Variants in CBFA2T3 observed in about 807,000 individuals in gnomAD.
CBFA2T3 encodes transcriptional corepressor CBFA2T3.
In CBFA2T3, 31 loss-of-function variants were observed where a neutral mutation model predicts 58.6. That is an observed-to-expected ratio of 0.53 (90% CI 0.40 to 0.71). The LOEUF is 0.71. Ranked by LOEUF, CBFA2T3 falls within the 30% of genes least tolerant of loss-of-function variation. The probability of loss-of-function intolerance (pLI) is 0.00; values close to 1 mark genes in which losing one functional copy is unlikely to be tolerated. For missense variants in CBFA2T3, 1,076 were observed against 963.1 expected (o/e 1.12, Z -1.55); for synonymous variants, 531 against 421.9 (o/e 1.26, Z -3.17).
chr16:88,878,933 C>A (rs186343706), intron 11 of CBFA2T3, among the ~76,000 whole-genome samples: 217 of 152,302 alleles, frequency 1.4e-3, no homozygotes, highest in Middle Eastern at 0.014. Flanking sequence ...TCAGTCTGGG[C>A]AACAAGAGTG....
At chr16:88,939,340 C>G (rs1971624365) in intron 1 of CBFA2T3, 1 of 152,332 alleles carries the variant, frequency 6.6e-6, no homozygotes, top group South Asian at 2.1e-4. Context: ...ATGTGAACTT[C>G]CCTTCTCCCC....
intron 1 of CBFA2T3, among the ~76,000 whole-genome samples, chr16:88,910,976 G>A (rs1323101276): frequency 2.6e-5 from 4 of 152,222 alleles, no homozygotes; most frequent in South Asian, 4.1e-4. Flanking sequence ...CCCTGCGGCC[G>A]CCTCCACATC....
rs191174104 is a variant in CBFA2T3 at position 88,944,115 on chromosome 16, A to T, written c.151+32542T>A. ...CACTTTGGGAGGCCGAGGCCGGCGGATCATGAGGTCAGGAGATCAAGACCG... is the reference window on the plus strand; with the variant it reads ...CACTTTGGGAGGCCGAGGCCGGCGGTTCATGAGGTCAGGAGATCAAGACCG... On this transcript the variant is annotated intron_variant, in intron 1 of 11. Transcript: ENST00000268679. Among the ~76,000 whole-genome samples the T allele has an allele frequency of 8.1e-4, 123 of 152,206 alleles. 3 individuals are homozygous for T. The East Asian group carries it at 0.023, about 28-fold the overall frequency.
At chr16:88,933,827 TTGGTGAAA>T (rs1971392966) in intron 1 of CBFA2T3, among the ~76,000 whole-genome samples, 1 of 152,134 alleles carries the variant, frequency 6.6e-6, no homozygotes, top group Non-Finnish European at 1.5e-5. Flanking sequence ...CGTATGTGAC[TTGGTGAAA>T]TCCCCGTCCC....
intron 3 of CBFA2T3, among the ~76,000 whole-genome samples, chr16:88,892,833 G>A (rs923048902): frequency 1.2e-4 from 19 of 152,334 alleles, no homozygotes; most frequent in African/African-American, 4.3e-4. Context: ...GGTGGTGGCC[G>A]TGGAATGACT....
intron 1 of CBFA2T3, among the ~76,000 whole-genome samples, chr16:88,932,479 T>G (rs1971344988): frequency 6.8e-6 from 1 of 147,372 alleles, no homozygotes; most frequent in African/African-American, 2.5e-5. Flanking sequence ...ACCAAAAAAA[T>G]TAAAAATTAA....
intron 8 of CBFA2T3, 30 bp downstream of exon 8, chr16:88,882,644 CTG>C (rs1969171361): frequency 7.0e-7 from 1 of 1,430,924 alleles, no homozygotes. Flanking sequence ...CTGGGCATGG[CTG>C]TGTGGGCGTG....
intron 1 of CBFA2T3, among the ~76,000 whole-genome samples, chr16:88,964,712 T>C (rs1214410729): frequency 1.3e-5 from 2 of 152,144 alleles, no homozygotes; most frequent in African/African-American, 4.8e-5. Context: ...CTTACCTTTT[T>C]ATCTTCCCAT....
Position 88,875,591 on chromosome 16 carries a change from G to A in CBFA2T3, c.*1385C>T, listed in dbSNP as rs1307656596. ...GATGGGGCCGAGAGGTTGGAGTTGG[G>A]GCGATGGGGCTGAGAGAGGTCGGAG... is the stretch of plus-strand genomic sequence containing the variant. On this transcript the variant is annotated 3_prime_UTR_variant, in exon 12 of 12. Transcript: ENST00000268679. 1.3e-5 allele frequency: 3 copies of A among 233,778 alleles called. No homozygotes were observed. Among genetic ancestry groups the A allele is most frequent in the Non-Finnish European group, 2.5e-5 (3 of 118,276 alleles). 14.5% of individuals were successfully genotyped at this position (233,778 alleles called of 1,614,324 possible). A position where few individuals can be genotyped will look rare whatever the true frequency, so the allele number is the denominator to read the frequency against.
intron 1 of CBFA2T3, among the ~76,000 whole-genome samples, chr16:88,975,175 TCCACATCTTTAGCCATGTCAGAGGTCCAC>T (rs1972804267): frequency 7.2e-5 from 7 of 97,160 alleles, no homozygotes; most frequent in South Asian, 2.8e-4. Flanking sequence ...CCCTCTCTGC[TCCACATCTTTAGCCATGTCAGAGGTCCAC>T]CCTGACCCTC....
At chr16:88,973,399 G>A (rs192611086) in intron 1 of CBFA2T3, among the ~76,000 whole-genome samples, 2 of 152,290 alleles carry the variant, frequency 1.3e-5, no homozygotes, top group African/African-American at 2.4e-5. Context: ...GGAGGAGCAC[G>A]GCCATCTGAC....
At chr16:88,934,150 C>G (rs1338539254) in intron 1 of CBFA2T3, among the ~76,000 whole-genome samples, 1 of 134,992 alleles carries the variant, frequency 7.4e-6, no homozygotes, top group Non-Finnish European at 1.5e-5. Context: ...AGAGGCCGCC[C>G]CTCGGCACAC....
intron 1 of CBFA2T3, among the ~76,000 whole-genome samples, chr16:88,971,155 G>A (rs771900796): frequency 1.3e-5 from 2 of 152,096 alleles, no homozygotes; most frequent in Admixed American, 6.5e-5. Context: ...TGTCATCCAG[G>A]CTGGAGTGCA....
intron 5 of CBFA2T3, among the ~76,000 whole-genome samples, chr16:88,890,255 G>A (rs2142576501): frequency 2.0e-5 from 3 of 152,302 alleles, no homozygotes; most frequent in African/African-American, 7.2e-5. Context: ...CTCCTCAACA[G>A]CCTGAGGATG....
At chr16:88,956,799 C>A (rs994894682) in intron 1 of CBFA2T3, among the ~76,000 whole-genome samples, 20 of 152,240 alleles carry the variant, frequency 1.3e-4, no homozygotes, top group African/African-American at 4.3e-4. Flanking sequence ...AACTGGACCG[C>A]ATGGCCCTTG....
In CBFA2T3 at chr16:88,876,505, C is replaced by A. The variant is rs1266637984; in HGVS notation, c.*471G>T. 5 of 232,238 alleles carry A rather than the reference C, an allele frequency of 2.2e-5. No individual in the cohort carries two copies. The highest frequency in any genetic ancestry group is 1.2e-4 in the East Asian group (2 of 16,246). 14.4% of individuals were successfully genotyped at this position (232,238 alleles called of 1,614,324 possible). The stretch of plus-strand genomic sequence containing the variant: ...TTTCTGAGTAGCTCTTTTGCCAACA[C>A]ACAAAACCCCCCAAAATTCTTTGCT... On this transcript the variant is annotated 3_prime_UTR_variant, in exon 12 of 12. Transcript: ENST00000268679.
intron 1 of CBFA2T3, among the ~76,000 whole-genome samples, chr16:88,946,639 C>G (rs571593283): frequency 1.3e-5 from 2 of 151,956 alleles, no homozygotes; most frequent in Admixed American, 6.6e-5. Flanking sequence ...CCCACCATCA[C>G]GCCCAGCTAA....
chr16:88,959,251 A>G (rs1972304352), intron 1 of CBFA2T3, among the ~76,000 whole-genome samples: 8 of 152,230 alleles, frequency 5.3e-5, no homozygotes, highest in Admixed American at 5.2e-4. Flanking sequence ...GGACAGTCAC[A>G]TGAGCAGCTG....
chr16:88,928,017 AC>A (rs1160888392), intron 1 of CBFA2T3, among the ~76,000 whole-genome samples: 2 of 152,002 alleles, frequency 1.3e-5, no homozygotes, highest in Admixed American at 1.3e-4. Context: ...GGCTCCCGGC[AC>A]CCACCGCTGC....
Sources: allele counts gnomAD v4.1 joint callset (sites outside exome capture counted in the v4.1 genomes callset), GRCh38; gene constraint gnomAD v4.1.1; transcripts MANE v1.5; gene names NCBI Gene and HGNC (gene_info 2026-07-23, HGNC 2026-07-21).